PRDM16: variants seen among roughly 807,000 people sequenced by gnomAD.
The protein encoded by PRDM16 is histone-lysine N-methyltransferase PRDM16.
In PRDM16, 23 loss-of-function variants were observed where a neutral mutation model predicts 110.6. The ratio of observed to expected loss-of-function variants is 0.21; its 90% CI spans 0.15 to 0.29. PRDM16 has a LOEUF of 0.29. Among genes scored for constraint, PRDM16 ranks in the 10% least tolerant of loss-of-function variants. The pLI, the probability that PRDM16 is intolerant of heterozygous loss-of-function variation, is 1.00. For missense variants in PRDM16, 1,615 were observed against 1,794.3 expected (o/e 0.90, Z 1.81); for synonymous variants, 799 against 781.8 (o/e 1.02, Z -0.37).
At chr1:3,394,981 C>T (rs6703344) in intron 4 of PRDM16, among the ~76,000 whole-genome samples, 1,784 of 152,304 alleles carry the variant, frequency 0.012, 39 homozygotes, top group African/African-American at 0.041. Flanking sequence ...ACCTGACGCC[C>T]CATAAGGGAA....
chr1:3,278,062 G>A (rs1336823856), intron 3 of PRDM16, among the ~76,000 whole-genome samples: 2 of 152,224 alleles, frequency 1.3e-5, no homozygotes, highest in Non-Finnish European at 2.9e-5. Context: ...TGTGTCTGGG[G>A]TCATTCCTAA....
chr1:3,089,532 G>A (rs924311564), intron 1 of PRDM16, among the ~76,000 whole-genome samples: 4 of 152,330 alleles, frequency 2.6e-5, no homozygotes, highest in African/African-American at 4.8e-5. Flanking sequence ...ATAAACCCCC[G>A]CCAAGCATCT....
At chr1:3,334,954 G>A (rs895107703) in intron 3 of PRDM16, among the ~76,000 whole-genome samples, 1 of 152,212 alleles carries the variant, frequency 6.6e-6, no homozygotes, top group Non-Finnish European at 1.5e-5. Context: ...CAACCCCATA[G>A]GATGTGCCTG....
Position 3,414,605 on chromosome 1 carries a change from G to A in PRDM16, c.2649G>A (p.Lys883=). The change falls in exon 10 of 17, where the codon AAG becomes AAA. Residue 883 remains lysine, a synonymous_variant. Coordinates refer to ENST00000270722, the MANE Select transcript of PRDM16 (RefSeq NM_022114.4). The part of the protein sequence containing the change: ...RKVTDPVGAL[K]EKYLRPSPLL... ...TCACAGACCCCGTGGGAGCCCTGAA[G>A]GAGAAGTACCTGCGGCCGTCCCCGC... is the stretch of plus-strand genomic sequence containing the variant. 1.2e-6 allele frequency: 2 copies of A among 1,613,558 alleles called. No individual in the cohort carries two copies. Among genetic ancestry groups the A allele is most frequent in the Non-Finnish European group, 1.7e-6 (2 of 1,179,894 alleles).
chr1:3,389,267 C>T (rs1643252841), intron 4 of PRDM16, among the ~76,000 whole-genome samples: 2 of 152,220 alleles, frequency 1.3e-5, no homozygotes, highest in African/African-American at 2.4e-5. Flanking sequence ...CCTCGCAGTG[C>T]CTCATGGACG....
chr1:3,187,874 G>C (rs1047290089), intron 2 of PRDM16, among the ~76,000 whole-genome samples: 2 of 152,346 alleles, frequency 1.3e-5, no homozygotes, highest in South Asian at 4.1e-4. Flanking sequence ...ACGTGCGGCA[G>C]AGTCTGCGGC....
intron 10 of PRDM16, among the ~76,000 whole-genome samples, chr1:3,416,774 C>T (rs1204540687): frequency 6.6e-6 from 1 of 152,222 alleles, no homozygotes; most frequent in Non-Finnish European, 1.5e-5. Context: ...CCACCTTCAG[C>T]AGGCTGGGTG....
At position 3,411,846 on chromosome 1, in the gene PRDM16, C is replaced by T. The variant is rs1023442746; in HGVS notation, c.1649C>T (p.Pro550Leu). The T allele has an allele frequency of 1.2e-6, 2 of 1,611,402 alleles. No homozygotes were observed. The highest frequency in any genetic ancestry group is 1.7e-5 in the Admixed American group (1 of 59,916). ...ACCCAGGACGCCAAGCTCCCCAGTC[C>T]CCTGGGGAACCCAGCCCTGCCCCTG... ...NHTQDAKLPS[P>L]LGNPALPLVS... is the part of the protein sequence containing the mutation. The change falls in exon 9 of 17, where the codon CCC (proline) becomes CTC (leucine). Residue 550 changes from proline to leucine, a missense_variant. Transcript: ENST00000270722.
intron 3 of PRDM16, among the ~76,000 whole-genome samples, chr1:3,337,103 G>GTTGGT (rs1344594804): frequency 6.6e-6 from 1 of 151,490 alleles, no homozygotes; most frequent in Non-Finnish European, 1.5e-5. Flanking sequence ...CCACATGAGT[G>GTTGGT]TTGGTGTGAG....
chr1:3,224,127 A>G lies in PRDM16; in HGVS notation c.388-19960A>G, dbSNP rs375095198. On this transcript the variant is annotated intron_variant, in intron 2 of 16. Coordinates refer to ENST00000270722, the MANE Select transcript of PRDM16 (RefSeq NM_022114.4). ...TTTCCCTGAAAGCATCAATAACCAG[A>G]GTGGACATTTATTGCCCCGTGGATG... Among the ~76,000 whole-genome samples the G allele has an allele frequency of 9.4e-4, 143 of 152,236 alleles. 1 individual carries two copies. The highest frequency in any genetic ancestry group is 3.3e-3 in the African/African-American group (135 of 41,532).
At chr1:3,182,611 G>T (rs1644224253) in intron 1 of PRDM16, among the ~76,000 whole-genome samples, 1 of 152,194 alleles carries the variant, frequency 6.6e-6, no homozygotes, top group Non-Finnish European at 1.5e-5. Flanking sequence ...ACCAAGGGTT[G>T]TGGTGGAGCC....
At chr1:3,409,947 TGTGTGTGC>T (rs1196544666) in intron 8 of PRDM16, among the ~76,000 whole-genome samples, 1 of 108,228 alleles carries the variant, frequency 9.2e-6, no homozygotes, top group Non-Finnish European at 1.8e-5. Context: ...GTGGTGTGGG[TGTGTGTGC>T]GTGTGGGGGG....
At chr1:3,098,360 A>T (rs1415887734) in intron 1 of PRDM16, among the ~76,000 whole-genome samples, 1 of 152,094 alleles carries the variant, frequency 6.6e-6, no homozygotes, top group Non-Finnish European at 1.5e-5. Context: ...CTCACTGCCC[A>T]CTGGGGGGTT....
chr1:3,321,486 T>C (rs1014645927), intron 3 of PRDM16, among the ~76,000 whole-genome samples: 4 of 150,152 alleles, frequency 2.7e-5, no homozygotes, highest in Non-Finnish European at 4.4e-5. Flanking sequence ...ATATGTGTGT[T>C]TGTGGGCATG....
intron 1 of PRDM16, among the ~76,000 whole-genome samples, chr1:3,122,128 C>G (rs1643108660): frequency 6.6e-6 from 1 of 152,192 alleles, no homozygotes; most frequent in Non-Finnish European, 1.5e-5. Context: ...CAGCCATGGC[C>G]TGGACACAGA....
rs1427609612 is a variant in PRDM16, at chr1:3,390,025, GGTTCTT to G, written c.573+4740_573+4745del. ...CAAGACACTCAGATCACCCCTGGGT[GGTTCTT>G]TCTCCTGTAATTATGAACAAATGAG... On this transcript the variant is annotated intron_variant, in intron 4 of 16. Coordinates refer to ENST00000270722, the MANE Select transcript of PRDM16 (RefSeq NM_022114.4). This position sits in a 1 kb window ranked among gnomAD's most constrained non-coding sequence, Gnocchi z 5.0. Among the ~76,000 whole-genome samples, 1 of 147,892 alleles carries G rather than the reference GGTTCTT, an allele frequency of 6.8e-6. No homozygotes were observed. Among genetic ancestry groups the G allele is most frequent in the African/African-American group, 2.5e-5 (1 of 40,192 alleles).
At chr1:3,322,336 T>A (rs1396403250) in intron 3 of PRDM16, among the ~76,000 whole-genome samples, 1 of 152,158 alleles carries the variant, frequency 6.6e-6, no homozygotes, top group Admixed American at 6.5e-5. Flanking sequence ...GTTGATTGAC[T>A]CGAGTTACAT....
chr1:3,312,041 G>C (rs1641473879), intron 3 of PRDM16, among the ~76,000 whole-genome samples: 1 of 152,220 alleles, frequency 6.6e-6, no homozygotes. Flanking sequence ...CAGGAGTGCG[G>C]CTCATGGGCA....
chr1:3,089,792 T>G (rs957759882), intron 1 of PRDM16, among the ~76,000 whole-genome samples: 1 of 152,112 alleles, frequency 6.6e-6, no homozygotes, highest in African/African-American at 2.4e-5. Context: ...CCAGGGATGT[T>G]CCATTTGATT....
Sources: allele counts gnomAD v4.1 joint callset (sites outside exome capture counted in the v4.1 genomes callset), GRCh38; gene constraint gnomAD v4.1.1; non-coding constraint Gnocchi (gnomAD v3.1); transcripts MANE v1.5; gene names NCBI Gene and HGNC (gene_info 2026-07-23, HGNC 2026-07-21).